The following RAD51B variants were observed in gnomAD, a reference collection of about 807,000 sequenced individuals.
RAD51B encodes the protein DNA repair protein RAD51 homolog 2.
In RAD51B, 38 loss-of-function variants were observed where a neutral mutation model predicts 42.2. That is an observed-to-expected ratio of 0.90 (90% CI 0.70 to 1.18). RAD51B has a LOEUF of 1.18. Among genes scored for constraint, RAD51B ranks in the 50% most tolerant of loss-of-function variants. RAD51B has a pLI of 0.00. For synonymous variants in RAD51B, 154 were observed against 145.2 expected, an observed-to-expected ratio of 1.06 and a Z score of -0.43; for missense variants, 373 against 400.7, an observed-to-expected ratio of 0.93 and a Z score of 0.59.
chr14:67,939,408 A>G lies in RAD51B; in HGVS notation c.756+52204A>G, dbSNP rs575636988. Among the ~76,000 whole-genome samples the G allele has an allele frequency of 2.6e-5, 4 of 152,344 alleles. No homozygotes were observed. In the South Asian group the frequency reaches 8.3e-4, roughly 32 times the overall value. On this transcript the variant is annotated intron_variant, in intron 7 of 10. Transcript: ENST00000471583. ...ACTAGATAGTATATAGAAAATTGAC[A>G]GTAGTAAGTGAAATGCTTGATTCCT...
chr14:68,585,143 A>AATAGAG (rs1217152015), intron 10 of RAD51B, among the ~76,000 whole-genome samples: 1 of 152,196 alleles, frequency 6.6e-6, no homozygotes, highest in Non-Finnish European at 1.5e-5. Context: ...AGAGAGGTGC[A>AATAGAG]TTCCCACCTC....
intron 9 of RAD51B, among the ~76,000 whole-genome samples, chr14:68,452,261 C>T (rs2085575717): frequency 6.6e-6 from 1 of 152,086 alleles, no homozygotes; most frequent in Non-Finnish European, 1.5e-5. Context: ...TTCCTTGCGA[C>T]AGTATTTGTT....
At chr14:68,381,465 G>A (rs1472327014) in intron 8 of RAD51B, among the ~76,000 whole-genome samples, 1 of 152,076 alleles carries the variant, frequency 6.6e-6, no homozygotes, top group Non-Finnish European at 1.5e-5. Context: ...CACAAGGTCA[G>A]GAGATCGAGA....
intron 10 of RAD51B, among the ~76,000 whole-genome samples, chr14:68,583,976 A>G (rs1890331023): frequency 6.6e-6 from 1 of 152,114 alleles, no homozygotes; most frequent in Non-Finnish European, 1.5e-5. Flanking sequence ...CAGTCACCAG[A>G]TGAGGACCTG....
intron 9 of RAD51B, among the ~76,000 whole-genome samples, chr14:68,427,818 G>A (rs1456826645): frequency 2.6e-5 from 4 of 152,148 alleles, no homozygotes; most frequent in Admixed American, 2.6e-4. Context: ...ACATGAATTT[G>A]GGGGGCTGGG....
At chr14:68,230,208 T>C (rs1566744456) in intron 7 of RAD51B, among the ~76,000 whole-genome samples, 2 of 152,172 alleles carry the variant, frequency 1.3e-5, no homozygotes, top group African/African-American at 2.4e-5. Flanking sequence ...GGCTTTTTGA[T>C]TGCAAGCAAT....
intron 10 of RAD51B, among the ~76,000 whole-genome samples, chr14:68,622,614 G>A (rs950350613): frequency 1.4e-5 from 2 of 147,872 alleles, no homozygotes; most frequent in Non-Finnish European, 3.0e-5. Flanking sequence ...ATACTCAGTT[G>A]TTTCATGAAT....
At chr14:68,123,922 G>A (rs995902677) in intron 7 of RAD51B, among the ~76,000 whole-genome samples, 9 of 152,096 alleles carry the variant, frequency 5.9e-5, no homozygotes, top group African/African-American at 2.2e-4. Context: ...TATCCATCTT[G>A]GATAAAAAGC....
At chr14:68,093,231 GATT>G (rs2077134142) in intron 7 of RAD51B, among the ~76,000 whole-genome samples, 2 of 152,060 alleles carry the variant, frequency 1.3e-5, no homozygotes, top group Admixed American at 6.6e-5. Context: ...AGTTAGGGAG[GATT>G]CCCTCTTTTT....
chr14:68,405,526 G>A (rs1278129366), intron 8 of RAD51B, among the ~76,000 whole-genome samples: 1 of 151,996 alleles, frequency 6.6e-6, no homozygotes, highest in Non-Finnish European at 1.5e-5. Context: ...ATTAATATTT[G>A]TAAGAACTCC....
intron 7 of RAD51B, among the ~76,000 whole-genome samples, chr14:68,218,013 T>C (rs1261092102): frequency 1.3e-5 from 2 of 152,212 alleles, no homozygotes; most frequent in African/African-American, 4.8e-5. Context: ...ATAGACCTAG[T>C]GGGGATATAA....
intron 10 of RAD51B, among the ~76,000 whole-genome samples, chr14:68,505,316 G>A (rs1299709438): frequency 6.6e-6 from 1 of 152,180 alleles, no homozygotes; most frequent in Non-Finnish European, 1.5e-5. Flanking sequence ...TTGAAGAAAG[G>A]ACTCTGCCAC....
intron 8 of RAD51B, among the ~76,000 whole-genome samples, chr14:68,386,840 G>T (rs1433331500): frequency 6.6e-6 from 1 of 152,176 alleles, no homozygotes; most frequent in Non-Finnish European, 1.5e-5. Context: ...TATACCACCT[G>T]CAAAGCTATC....
intron 8 of RAD51B, among the ~76,000 whole-genome samples, chr14:68,306,109 C>A (rs1003848083): frequency 1.3e-5 from 2 of 152,216 alleles, no homozygotes; most frequent in African/African-American, 4.8e-5. Flanking sequence ...CTTGAGAAAA[C>A]TGTTAACCTT....
At chr14:68,134,616 A>G (rs1237332991) in intron 7 of RAD51B, among the ~76,000 whole-genome samples, 3 of 152,166 alleles carry the variant, frequency 2.0e-5, no homozygotes, top group South Asian at 4.1e-4. Flanking sequence ...TTTAAATGCC[A>G]TTTTTGATAG....
chr14:67,979,850 CTGTT>C (rs2075059288), intron 7 of RAD51B, among the ~76,000 whole-genome samples: 1 of 152,014 alleles, frequency 6.6e-6, no homozygotes, highest in African/African-American at 2.4e-5. Flanking sequence ...AATATATACT[CTGTT>C]AATACATATT....
At chr14:68,631,266 C>T (rs1293000896) in intron 10 of RAD51B, among the ~76,000 whole-genome samples, 2 of 152,176 alleles carry the variant, frequency 1.3e-5, no homozygotes, top group South Asian at 2.1e-4. Context: ...GATTTAATAG[C>T]AGTTTTCCAG....
intron 10 of RAD51B, among the ~76,000 whole-genome samples, chr14:68,630,151 A>T (rs1892191932): frequency 7.1e-6 from 1 of 140,508 alleles, no homozygotes; most frequent in Non-Finnish European, 1.5e-5. Context: ...TACAGCCCCT[A>T]GGAATGCCGA....
chr14:68,317,310 T>TCAC (rs1472543306), intron 8 of RAD51B, among the ~76,000 whole-genome samples: 1 of 152,208 alleles, frequency 6.6e-6, no homozygotes, highest in Non-Finnish European at 1.5e-5. Flanking sequence ...TTTGAACATA[T>TCAC]TTATTTACGT....
Sources: allele counts gnomAD v4.1 joint callset (sites outside exome capture counted in the v4.1 genomes callset), GRCh38; gene constraint gnomAD v4.1.1; transcripts MANE v1.5; gene names NCBI Gene and HGNC (gene_info 2026-07-23, HGNC 2026-07-21).